COPG2: variants seen among roughly 807,000 people sequenced by gnomAD.
The protein encoded by COPG2 is coatomer subunit gamma-2.
Under a neutral mutation model 46.3 loss-of-function variants are expected in COPG2, and 37 were observed. The ratio of observed to expected loss-of-function variants is 0.80; its 90% CI spans 0.61 to 1.05. COPG2 has a LOEUF of 1.05. Ranked by LOEUF, COPG2 falls within the 50% of genes least tolerant of loss-of-function variation. The probability of loss-of-function intolerance (pLI) is 0.00; values close to 1 mark genes in which losing one functional copy is unlikely to be tolerated. For missense variants in COPG2, 427 were observed against 387.8 expected (o/e 1.10, Z -0.85); for synonymous variants, 159 against 129.7 (o/e 1.23, Z -1.53).
At position 130,611,232 on chromosome 7, in the gene COPG2, C is replaced by T. The variant is rs377584915; in HGVS notation, c.580-122G>A. 1.4e-4 allele frequency: 124 copies of T among 882,220 alleles called. 2 individuals are homozygous for T. The highest frequency in any genetic ancestry group is 1.1e-3 in the African/African-American group (67 of 59,238). 54.6% of individuals were successfully genotyped at this position (882,220 alleles called of 1,614,324 possible). Reference sequence around the variant, plus strand: ...TTAAAATACCCAGGTCACATGTACACAAATATTTTTTTCACACTGAACTAA... The same window carrying T: ...TTAAAATACCCAGGTCACATGTACATAAATATTTTTTTCACACTGAACTAA... On this transcript the variant is annotated intron_variant, in intron 8 of 23. Coordinates refer to ENST00000425248, the MANE Select transcript of COPG2 (RefSeq NM_012133.6).
chr7:130,615,691 C>T (rs1478980969), intron 6 of COPG2, among the ~76,000 whole-genome samples: 2 of 152,126 alleles, frequency 1.3e-5, no homozygotes, highest in Non-Finnish European at 2.9e-5. Context: ...CTTTCTTGTG[C>T]CCTGTAGGAG....
At chr7:130,561,476 T>C (rs1584973899) in intron 11 of COPG2, among the ~76,000 whole-genome samples, 2 of 152,358 alleles carry the variant, frequency 1.3e-5, no homozygotes. Context: ...AAAATTATAA[T>C]TGGCCTGTAT....
At chr7:130,548,573 G>A in intron 18 of COPG2, 31 bp from the exon 19 acceptor site, 1 of 398,460 alleles carries the variant, frequency 2.5e-6, no homozygotes, top group Non-Finnish European at 4.4e-6. Context: ...AGGCTATGAA[G>A]AAGACAGGGA....
At chr7:130,558,926 C>A (rs36130222) in intron 12 of COPG2, among the ~76,000 whole-genome samples, 29,432 of 151,952 alleles carry the variant, frequency 0.19, 3,030 homozygotes, top group Middle Eastern at 0.25. Flanking sequence ...GACCAGAGAT[C>A]TAAATGTAAA....
intron 2 of COPG2, 92 bp downstream of exon 2, chr7:130,667,390 G>T: frequency 5.2e-6 from 5 of 968,244 alleles, no homozygotes; most frequent in Non-Finnish European, 6.4e-6. Context: ...TTCTTGTTTT[G>T]CATGTCGTGA....
At chr7:130,589,520 T>C (rs1236333917) in intron 9 of COPG2, among the ~76,000 whole-genome samples, 2 of 152,150 alleles carry the variant, frequency 1.3e-5, no homozygotes, top group Non-Finnish European at 1.5e-5. Context: ...CCTGGCCTCA[T>C]GCAATCCTTC....
chr7:130,652,299 T>C (rs1795762773), intron 5 of COPG2, among the ~76,000 whole-genome samples: 1 of 152,210 alleles, frequency 6.6e-6, no homozygotes, highest in Non-Finnish European at 1.5e-5. Flanking sequence ...AATTACTTTC[T>C]AGAAAAATTG....
Position 130,647,012 on chromosome 7 carries a change from T to TATATATATGTGTGTATATATATGC in COPG2, c.323+5856_323+5857insGCATATATATACACACATATATAT, listed in dbSNP as rs1795623138. 6.8e-4 allele frequency among the ~76,000 whole-genome samples: 92 copies of TATATATATGTGTGTATATATATGC among 136,296 alleles called. 4 individuals are homozygous for TATATATATGTGTGTATATATATGC. The highest frequency in any genetic ancestry group is 2.6e-3 in the African/African-American group (90 of 34,692). 89.4% of individuals were successfully genotyped at this position (136,296 alleles called of 152,430 possible). On this transcript the variant is annotated intron_variant, in intron 5 of 23. Transcript: ENST00000425248. ...ATATATATATGTGTATATATATATGTATATATATATATGTGTATATATATA... is the reference window on the plus strand; with the variant it reads ...ATATATATATGTGTATATATATATGTATATATATGTGTGTATATATATGCATATATATATATGTGTATATATATA...
At chr7:130,518,142 C>T (rs1020686002) in intron 20 of COPG2, among the ~76,000 whole-genome samples, 3 of 152,230 alleles carry the variant, frequency 2.0e-5, no homozygotes, top group Non-Finnish European at 4.4e-5. Flanking sequence ...GGATAAGTAT[C>T]AGATTCATGT....
At chr7:130,508,007 T>G (rs1309062761) in intron 21 of COPG2, 184 bp from the exon 22 acceptor site, 1 of 560,150 alleles carries the variant, frequency 1.8e-6, no homozygotes, top group African/African-American at 1.9e-5. Flanking sequence ...AAACAGAACA[T>G]CTGGCAAGAG....
At chr7:130,651,793 G>C (rs1356524568) in intron 5 of COPG2, among the ~76,000 whole-genome samples, 1 of 151,948 alleles carries the variant, frequency 6.6e-6, no homozygotes, top group Non-Finnish European at 1.5e-5. Flanking sequence ...TGGGATTACA[G>C]GTGTGAGCCA....
intron 5 of COPG2, among the ~76,000 whole-genome samples, chr7:130,643,697 C>T (rs1297955296): frequency 1.3e-5 from 2 of 152,184 alleles, no homozygotes; most frequent in African/African-American, 4.8e-5. Flanking sequence ...GTGGTTTACG[C>T]CTGTGATCCC....
chr7:130,633,613 A>G (rs1795272035), intron 5 of COPG2, among the ~76,000 whole-genome samples: 1 of 152,150 alleles, frequency 6.6e-6, no homozygotes, highest in South Asian at 2.1e-4. Flanking sequence ...TAGATTCTAG[A>G]TATCAGCCCT....
chr7:130,552,087 AAG>A (rs1484357502), intron 15 of COPG2, among the ~76,000 whole-genome samples: 1 of 152,200 alleles, frequency 6.6e-6, no homozygotes, highest in Non-Finnish European at 1.5e-5. Context: ...CTCTATAAAT[AAG>A]AGTGAGGAGT....
chr7:130,603,901 T>G (rs1794683232), intron 9 of COPG2: 12 of 513,894 alleles, frequency 2.3e-5, no homozygotes, highest in South Asian at 1.7e-4. Flanking sequence ...ATTAATCATC[T>G]TGTTGATAAC....
intron 20 of COPG2, among the ~76,000 whole-genome samples, chr7:130,512,997 G>A (rs151063974): frequency 6.6e-6 from 1 of 151,840 alleles, no homozygotes; most frequent in East Asian, 2.0e-4. Context: ...TATAAAGTGT[G>A]GGTAGGGGCT....
At chr7:130,547,946 T>G in intron 19 of COPG2, 101 bp from the exon 20 acceptor site, 1 of 397,198 alleles carries the variant, frequency 2.5e-6, no homozygotes, top group Non-Finnish European at 4.4e-6. Context: ...CTTCTATCTC[T>G]ACAGAGCAGG....
chr7:130,644,207 G>A (rs1795548140), intron 5 of COPG2, among the ~76,000 whole-genome samples: 1 of 152,164 alleles, frequency 6.6e-6, no homozygotes, highest in African/African-American at 2.4e-5. Flanking sequence ...TTTGGGGGTG[G>A]AAAGGGCTAC....
At chr7:130,556,428 G>C (rs1421527888) in intron 12 of COPG2, among the ~76,000 whole-genome samples, 7 of 152,262 alleles carry the variant, frequency 4.6e-5, no homozygotes, top group African/African-American at 1.4e-4. Context: ...GTGCAGAAAT[G>C]AGAAGAGACT....
Sources: gnomAD v4.1 joint callset for allele counts (sites outside exome capture counted in the v4.1 genomes callset) on GRCh38, gnomAD v4.1.1 for gene constraint, MANE v1.5 for transcripts, NCBI Gene and HGNC (gene_info 2026-07-23, HGNC 2026-07-21) for gene names.